Variants in KCNH8 observed in about 807,000 individuals in gnomAD.
KCNH8 encodes the protein potassium voltage-gated channel subfamily H member 8, also known as voltage-gated delayed rectifier potassium channel KCNH8.
Under a neutral mutation model 103.6 loss-of-function variants are expected in KCNH8, and 70 were observed. That is an observed-to-expected ratio of 0.68 (90% confidence interval 0.56 to 0.82). The LOEUF (loss-of-function observed/expected upper bound fraction) is 0.82. Ranked by LOEUF, KCNH8 falls within the 40% of genes least tolerant of loss-of-function variation. KCNH8 has a pLI of 0.00. For synonymous variants in KCNH8, 498 were observed against 489.4 expected (o/e 1.02, Z -0.23); for missense variants, 1,217 against 1,329.9 (o/e 0.92, Z 1.32).
At chr3:19,488,464 G>A (rs1575129376) in intron 11 of KCNH8, among the ~76,000 whole-genome samples, 1 of 152,146 alleles carries the variant, frequency 6.6e-6, no homozygotes, top group African/African-American at 2.4e-5. Context: ...ATTTTTTCCT[G>A]TTATCTTCTG....
intron 5 of KCNH8, among the ~76,000 whole-genome samples, chr3:19,355,453 A>G (rs1168591611): frequency 6.6e-6 from 1 of 152,186 alleles, no homozygotes; most frequent in African/African-American, 2.4e-5. Context: ...TTGCAGCACT[A>G]TTCACAATAG....
chr3:19,448,925 C>A, intron 8 of KCNH8: 1 of 1,258,822 alleles, frequency 7.9e-7, no homozygotes, highest in Non-Finnish European at 1.0e-6. Context: ...ATCTTTCTCT[C>A]AGTTTCACAG....
Position 19,456,769 on chromosome 3 carries a change from G to GA in KCNH8, c.1830dup (p.Gly611ArgfsTer11). On this transcript the variant is annotated frameshift_variant and splice_region_variant, in exon 11 of 16. Coordinates refer to ENST00000328405, the MANE Select transcript of KCNH8 (RefSeq NM_144633.3). LOFTEE classifies it high-confidence loss of function. Reference sequence around the variant, plus strand: ...AATGATCTCTCTCTCTCTTTCTAGGGAAAGGGGATTTAATTGGAGCAAATC... The same window carrying GA: ...AATGATCTCTCTCTCTCTTTCTAGGGAAAAGGGGATTTAATTGGAGCAAATC... 6.2e-7 allele frequency: 1 copy of GA among 1,602,766 alleles called. No individual in the cohort carries two copies. Among genetic ancestry groups the GA allele is most frequent in the Non-Finnish European group, 8.5e-7 (1 of 1,170,694 alleles).
At chr3:19,522,899 A>C (rs1240853481) in intron 15 of KCNH8, among the ~76,000 whole-genome samples, 1 of 151,838 alleles carries the variant, frequency 6.6e-6, no homozygotes, top group Non-Finnish European at 1.5e-5. Flanking sequence ...AAACTCCAGA[A>C]TTTAGAAAGT....
chr3:19,165,998 G>A (rs1366835701), intron 1 of KCNH8, among the ~76,000 whole-genome samples: 4 of 152,174 alleles, frequency 2.6e-5, no homozygotes, highest in African/African-American at 4.8e-5. Context: ...TGTCATGTTC[G>A]TTAATATCCC....
At chr3:19,343,174 A>G (rs1575541981) in intron 4 of KCNH8, among the ~76,000 whole-genome samples, 1 of 152,120 alleles carries the variant, frequency 6.6e-6, no homozygotes, top group South Asian at 2.1e-4. Flanking sequence ...CCATTAAAAA[A>G]CTTACATTTT....
intron 14 of KCNH8, among the ~76,000 whole-genome samples, chr3:19,516,634 T>TC (rs2068879086): frequency 6.6e-6 from 1 of 151,978 alleles, no homozygotes; most frequent in African/African-American, 2.4e-5. Flanking sequence ...ATATTTCTAG[T>TC]CCTACCACTC....
At chr3:19,148,958 G>GGT (rs2063102113) in intron 1 of KCNH8, among the ~76,000 whole-genome samples, 163 bp downstream of exon 1, 1 of 152,088 alleles carries the variant, frequency 6.6e-6, no homozygotes, top group Non-Finnish European at 1.5e-5. Context: ...CTCATGGTTT[G>GGT]GTGTAGTATT....
intron 7 of KCNH8, among the ~76,000 whole-genome samples, chr3:19,408,924 C>T (rs545035975): frequency 7.4e-4 from 113 of 152,060 alleles, no homozygotes; most frequent in African/African-American, 2.6e-3. Flanking sequence ...GGAGGAAAAG[C>T]GAATAACCTG....
intron 3 of KCNH8, among the ~76,000 whole-genome samples, chr3:19,301,349 A>G (rs2065062476): frequency 6.7e-6 from 1 of 148,544 alleles, no homozygotes; most frequent in South Asian, 2.1e-4. Context: ...AATATATATA[A>G]TATATATTTA....
At chr3:19,216,770 C>G (rs2063822345) in intron 1 of KCNH8, among the ~76,000 whole-genome samples, 1 of 152,152 alleles carries the variant, frequency 6.6e-6, no homozygotes. Flanking sequence ...AGTTTTGTAG[C>G]AGTTAGAGCA....
intron 1 of KCNH8, among the ~76,000 whole-genome samples, chr3:19,167,388 G>C (rs1207631125): frequency 1.3e-5 from 2 of 152,164 alleles, no homozygotes; most frequent in African/African-American, 4.8e-5. Flanking sequence ...ACATTTGTAA[G>C]ATTTCCCCCA....
intron 13 of KCNH8, among the ~76,000 whole-genome samples, chr3:19,514,866 G>A (rs748723585): frequency 6.6e-6 from 1 of 151,850 alleles, no homozygotes; most frequent in Non-Finnish European, 1.5e-5. Flanking sequence ...ATAAGTAAAA[G>A]AGCCTCTGTC....
chr3:19,397,504 C>CACACACATATATATACGTGTGTATATAT (rs1349195264), intron 7 of KCNH8, among the ~76,000 whole-genome samples: 1 of 150,754 alleles, frequency 6.6e-6, no homozygotes, highest in Non-Finnish European at 1.5e-5. Flanking sequence ...TATATATACA[C>CACACACATATATATACGTGTGTATATAT]ACACACATAT....
At chr3:19,238,702 G>A (rs1403850644) in intron 1 of KCNH8, among the ~76,000 whole-genome samples, 2 of 152,124 alleles carry the variant, frequency 1.3e-5, no homozygotes, top group Non-Finnish European at 2.9e-5. Context: ...AAAGCTTACT[G>A]TGATGTTACT....
At chr3:19,161,339 T>G (rs2063232357) in intron 1 of KCNH8, among the ~76,000 whole-genome samples, 2 of 152,186 alleles carry the variant, frequency 1.3e-5, no homozygotes, top group Non-Finnish European at 2.9e-5. Context: ...CTGCCTTCTT[T>G]CACTTAGATA....
intron 3 of KCNH8, among the ~76,000 whole-genome samples, chr3:19,341,051 G>C (rs1359272099): frequency 6.6e-6 from 1 of 152,136 alleles, no homozygotes; most frequent in Non-Finnish European, 1.5e-5. Context: ...ACATTGGAAT[G>C]GTTCTAGGGT....
chr3:19,239,155 C>CTT (rs139556920), intron 1 of KCNH8, among the ~76,000 whole-genome samples: 2 of 151,286 alleles, frequency 1.3e-5, no homozygotes, highest in Admixed American at 6.6e-5. Context: ...ACAAATAGGA[C>CTT]TTTTTTTTTC....
intron 14 of KCNH8, among the ~76,000 whole-genome samples, chr3:19,517,221 T>G (rs1297509015): frequency 6.6e-6 from 1 of 152,064 alleles, no homozygotes; most frequent in Admixed American, 6.6e-5. Context: ...CTATTGTATA[T>G]GACCTTCAAT....
Sources: allele counts gnomAD v4.1 joint callset (sites outside exome capture counted in the v4.1 genomes callset), GRCh38; gene constraint gnomAD v4.1.1; transcripts MANE v1.5; gene names NCBI Gene and HGNC (gene_info 2026-07-23, HGNC 2026-07-21).